Variants in PIAS2 observed in about 807,000 individuals in gnomAD.
PIAS2 encodes the protein E3 SUMO-protein ligase PIAS2.
A neutral mutation model predicts 69.7 loss-of-function variants in PIAS2; 19 were observed. The ratio of observed to expected loss-of-function variants is 0.27; its 90% CI spans 0.19 to 0.40. PIAS2 has a LOEUF of 0.40. Among genes scored for constraint, PIAS2 ranks in the 10% least tolerant of loss-of-function variants. The pLI is 1.00. For missense variants in PIAS2, 624 were observed against 757.0 expected, an observed-to-expected ratio of 0.82 and a Z score of 2.06; for synonymous variants, 261 against 263.2, an observed-to-expected ratio of 0.99 and a Z score of 0.08.
chr18:46,897,310 G>T (rs1690075993), intron 1 of PIAS2, among the ~76,000 whole-genome samples: 1 of 152,156 alleles, frequency 6.6e-6, no homozygotes, highest in African/African-American at 2.4e-5. Context: ...GGCAGGAAAT[G>T]CACAAGATAA....
intron 1 of PIAS2, chr18:46,916,741 T>G: frequency 1.2e-6 from 1 of 841,068 alleles, no homozygotes; most frequent in Non-Finnish European, 1.4e-6. Flanking sequence ...TTAAGGCCGA[T>G]TATTGAAGGC....
chr18:46,829,126 A>G (rs1226978841), intron 10 of PIAS2, among the ~76,000 whole-genome samples: 1 of 152,178 alleles, frequency 6.6e-6, no homozygotes, highest in African/African-American at 2.4e-5. Flanking sequence ...TTTCAATGAG[A>G]CTGTTAGATA....
At position 46,864,190 on chromosome 18, in the gene PIAS2, T is replaced by A. The variant is rs557318931; in HGVS notation, c.558A>T (p.Gln186His). 6.3e-7 allele frequency: 1 copy of A among 1,590,676 alleles called. No individual in the cohort carries two copies. The highest frequency in any genetic ancestry group is 1.7e-5 in the Admixed American group (1 of 57,452). The change falls in exon 3 of 14, where the codon CAA (glutamine) becomes CAT (histidine). Residue 186 changes from glutamine to histidine, a missense_variant. Physicochemically the swap from Gln to His is conservative, Grantham distance 24. This residue lies in a region of PIAS2 where 339 missense variants were observed against 408.8 expected (regional missense o/e 0.83). Transcript: ENST00000585916. ...TGGATATGCATATCTCTCTAACTTG[T>A]TGAGGTGTCAAAGCAAAAATAAAAA... ...EKFFIFALTPQQVREICISRD... is the reference protein window; with the variant it reads ...EKFFIFALTPHQVREICISRD...
At chr18:46,843,276 C>A (rs896081463) in intron 8 of PIAS2, among the ~76,000 whole-genome samples, 2 of 152,192 alleles carry the variant, frequency 1.3e-5, no homozygotes, top group Non-Finnish European at 2.9e-5. Context: ...ATTTAAAAAA[C>A]TGCACATTTC....
chr18:46,910,185 T>G (rs1207404039), intron 1 of PIAS2, among the ~76,000 whole-genome samples: 1 of 151,988 alleles, frequency 6.6e-6, no homozygotes, highest in African/African-American at 2.4e-5. Context: ...TAAATAAATT[T>G]TACATATGTA....
intron 1 of PIAS2, among the ~76,000 whole-genome samples, chr18:46,895,677 G>C (rs929092320): frequency 6.6e-6 from 1 of 151,960 alleles, no homozygotes; most frequent in Non-Finnish European, 1.5e-5. Context: ...TCTCAAAAAA[G>C]AATAATAATC....
At chr18:46,887,451 G>C (rs1466569368) in intron 2 of PIAS2, among the ~76,000 whole-genome samples, 1 of 152,086 alleles carries the variant, frequency 6.6e-6, no homozygotes, top group Non-Finnish European at 1.5e-5. Context: ...GTTTTCCCAA[G>C]AAAGAAAAGA....
chr18:46,895,398 C>T lies in PIAS2; in HGVS notation c.25-4344G>A, dbSNP rs185568368. 5.3e-5 allele frequency among the ~76,000 whole-genome samples: 8 copies of T among 152,236 alleles called. No individual in the cohort carries two copies. In the East Asian group the frequency reaches 7.7e-4, roughly 15 times the overall value. On this transcript the variant is annotated intron_variant, in intron 1 of 13. Coordinates refer to ENST00000585916, the MANE Select transcript of PIAS2 (RefSeq NM_004671.5). ...AAAATAATCTACCTCAGGACGGACA[C>T]GGTGGCTCACACCTGTAACCCCAGC... is the stretch of plus-strand genomic sequence containing the variant.
intron 9 of PIAS2, among the ~76,000 whole-genome samples, chr18:46,833,901 G>A (rs2044040182): frequency 6.6e-6 from 1 of 152,046 alleles, no homozygotes; most frequent in Non-Finnish European, 1.5e-5. Context: ...TGGGTGCTAG[G>A]GTGACATGAT....
Position 46,829,816 on chromosome 18 carries a change from G to A in PIAS2, c.1254C>T (p.Phe418=), listed in dbSNP as rs1404238877. Residue 418 remains phenylalanine, a synonymous_variant, in exon 10 of 14, where the codon TTC becomes TTT. Coordinates refer to ENST00000585916, the MANE Select transcript of PIAS2 (RefSeq NM_004671.5). Reference sequence around the variant, plus strand: ...TTGGACACCAAGAACCATCTTCTTGGAATTTGATCTCATCTACATCAGAAC... The same window carrying A: ...TTGGACACCAAGAACCATCTTCTTGAAATTTGATCTCATCTACATCAGAAC... ...NDCSDVDEIK[F]QEDGSWCPMR... 3 of 1,613,160 alleles carry A rather than the reference G, an allele frequency of 1.9e-6. No homozygotes were observed. The Admixed American group carries it at 5.0e-5, about 27-fold the overall frequency.
chr18:46,852,940 C>G (rs1049694916), intron 5 of PIAS2: 1 of 152,220 alleles, frequency 6.6e-6, no homozygotes, highest in Non-Finnish European at 1.5e-5. Flanking sequence ...TCTTTCATCA[C>G]AGATAATGGG....
In PIAS2 at chr18:46,809,169, A is replaced by G. The variant is rs1326555760; in HGVS notation, c.*3264T>C. 6.6e-6 allele frequency: 1 copy of G among 152,234 alleles called. No individual in the cohort carries two copies. The highest frequency in any genetic ancestry group is 1.5e-5 in the Non-Finnish European group (1 of 68,036). The allele number at this position is 152,234 out of a possible 1,614,324, so 9.4% of individuals were successfully genotyped here. On this transcript the variant is annotated 3_prime_UTR_variant, in exon 14 of 14. Coordinates refer to ENST00000585916, the MANE Select transcript of PIAS2 (RefSeq NM_004671.5). Reference sequence around the variant, plus strand: ...AATTATGAATCAACCTACACTTGCTATCCCTTACATCACATTTTCATTCTA... The same window carrying G: ...AATTATGAATCAACCTACACTTGCTGTCCCTTACATCACATTTTCATTCTA...
chr18:46,909,803 GTT>G (rs1239383840), intron 1 of PIAS2, among the ~76,000 whole-genome samples: 6 of 152,140 alleles, frequency 3.9e-5, no homozygotes, highest in Non-Finnish European at 7.3e-5. Flanking sequence ...GCAGGTCAGG[GTT>G]TTTCTGCAAG....
rs1393732407 is a variant in PIAS2, at chr18:46,820,809, C to T, written c.1648+124G>A. The T allele has an allele frequency of 1.4e-5, 11 of 781,044 alleles. No individual in the cohort carries two copies. The highest frequency in any genetic ancestry group is 4.2e-5 in the South Asian group (2 of 47,558). The allele number at this position is 781,044 out of a possible 1,614,324, so 48.4% of individuals were successfully genotyped here. The stretch of plus-strand genomic sequence containing the variant: ...TATAAAAACAGATAAGACCTTTACC[C>T]GAAGCTTTCAAATTTCCTTAGCACC... On this transcript the variant is annotated intron_variant, in intron 12 of 13. Coordinates refer to ENST00000585916, the MANE Select transcript of PIAS2 (RefSeq NM_004671.5).
Position 46,807,379 on chromosome 18 carries a change from A to AT in PIAS2, c.*5053dup, listed in dbSNP as rs1568313056. 2.3e-3 allele frequency: 58 copies of AT among 25,568 alleles called. 1 individual carries two copies. The highest frequency in any genetic ancestry group is 7.4e-3 in the East Asian group (10 of 1,354). The allele number at this position is 25,568 out of a possible 1,614,324, so 1.6% of individuals were successfully genotyped here. A position where few individuals can be genotyped will look rare whatever the true frequency, so the allele number is the denominator to read the frequency against. ...TTTATATATATATATATATATATAT[A>AT]TATATTTTTTTTTTTTTTTTTTTTT... is the stretch of plus-strand genomic sequence containing the variant. On this transcript the variant is annotated 3_prime_UTR_variant, in exon 14 of 14. Coordinates refer to ENST00000585916, the MANE Select transcript of PIAS2 (RefSeq NM_004671.5).
chr18:46,909,982 C>T (rs1450232362), intron 1 of PIAS2, among the ~76,000 whole-genome samples: 1 of 152,040 alleles, frequency 6.6e-6, no homozygotes, highest in East Asian at 1.9e-4. Flanking sequence ...GCCTGGCCAA[C>T]ATGGTGAAAA....
chr18:46,838,332 C>T (rs1241631481), intron 8 of PIAS2, among the ~76,000 whole-genome samples: 1 of 152,126 alleles, frequency 6.6e-6, no homozygotes. Context: ...TTATTACCAT[C>T]CCCATGTTAT....
chr18:46,819,951 C>T (rs745716663), intron 12 of PIAS2, among the ~76,000 whole-genome samples: 21 of 152,064 alleles, frequency 1.4e-4, no homozygotes, highest in African/African-American at 2.9e-4. Flanking sequence ...CAAGATTTTG[C>T]GTTCTGTGAT....
chr18:46,836,645 C>T (rs72907148), intron 8 of PIAS2, 128 bp from the exon 9 acceptor site: 8,462 of 636,112 alleles, frequency 0.013, 73 homozygotes, highest in Non-Finnish European at 0.017. Context: ...AAATCCAAAT[C>T]AGAATGTATT....
Sources: gnomAD v4.1 joint callset for allele counts (sites outside exome capture counted in the v4.1 genomes callset) on GRCh38, gnomAD v4.1.1 for gene constraint, gnomAD v4.1.1 regional missense constraint, MANE v1.5 for transcripts, NCBI Gene and HGNC (gene_info 2026-07-23, HGNC 2026-07-21) for gene names.